The following KDM4C variants were observed in gnomAD, a reference collection of about 807,000 sequenced individuals.
KDM4C encodes lysine demethylase 4C, also known as lysine-specific demethylase 4C.
Under a neutral mutation model 129.3 loss-of-function variants are expected in KDM4C, and 81 were observed. The observed-to-expected ratio is 0.63, with a 90% CI of 0.52 to 0.75. The LOEUF is 0.75. Among genes scored for constraint, KDM4C ranks in the 30% least tolerant of loss-of-function variants. The pLI is 0.00. For missense variants in KDM4C, 1,457 were observed against 1,304.0 expected, an observed-to-expected ratio of 1.12 and a Z score of -1.81; for synonymous variants, 573 against 456.1, an observed-to-expected ratio of 1.26 and a Z score of -3.26.
At chr9:6,988,276 G>A (rs1473895290) in intron 11 of KDM4C, among the ~76,000 whole-genome samples, 1 of 151,812 alleles carries the variant, frequency 6.6e-6, no homozygotes. Context: ...TCAAATGCCT[G>A]CTTTAGTTAT....
At chr9:7,029,714 T>G (rs1826410341) in intron 15 of KDM4C, among the ~76,000 whole-genome samples, 1 of 152,208 alleles carries the variant, frequency 6.6e-6, no homozygotes, top group Non-Finnish European at 1.5e-5. Context: ...CCAGGACCTT[T>G]CGGGGACTGA....
intron 5 of KDM4C, among the ~76,000 whole-genome samples, chr9:6,862,834 AC>A (rs1328814885): frequency 6.6e-6 from 1 of 151,370 alleles, no homozygotes; most frequent in African/African-American, 2.4e-5. Flanking sequence ...AAACAAACAA[AC>A]AAACAAAAAA....
At chr9:7,143,693 C>A (rs963277491) in intron 19 of KDM4C, among the ~76,000 whole-genome samples, 1 of 152,188 alleles carries the variant, frequency 6.6e-6, no homozygotes, top group African/African-American at 2.4e-5. Context: ...TTTGATTTGA[C>A]AGGTTTTCAA....
chr9:7,125,222 T>A (rs904296028), intron 18 of KDM4C, among the ~76,000 whole-genome samples: 3 of 152,188 alleles, frequency 2.0e-5, no homozygotes, highest in African/African-American at 7.2e-5. Context: ...AATGGCTGTT[T>A]CCTGCTTCTG....
chr9:7,051,437 T>C (rs1009670042), intron 17 of KDM4C, among the ~76,000 whole-genome samples: 1 of 152,176 alleles, frequency 6.6e-6, no homozygotes, highest in African/African-American at 2.4e-5. Flanking sequence ...AATTTACTTA[T>C]GTGGGGAATG....
chr9:6,919,759 G>C (rs1339506800), intron 8 of KDM4C, among the ~76,000 whole-genome samples: 1 of 151,914 alleles, frequency 6.6e-6, no homozygotes, highest in Non-Finnish European at 1.5e-5. Flanking sequence ...ATTTTTAGTA[G>C]AGATGGGGTT....
intron 1 of KDM4C, among the ~76,000 whole-genome samples, chr9:6,731,439 G>T (rs1472911642): frequency 6.8e-6 from 1 of 147,204 alleles, no homozygotes; most frequent in African/African-American, 2.5e-5. Flanking sequence ...CAATTCTCCT[G>T]CCTCAGCCTC....
At chr9:6,799,382 G>C (rs530388874) in intron 2 of KDM4C, among the ~76,000 whole-genome samples, 136 of 152,340 alleles carry the variant, frequency 8.9e-4, no homozygotes, top group African/African-American at 3.2e-3. Flanking sequence ...GGCCAACACA[G>C]CGAAACCCCG....
chr9:6,757,723 C>G (rs1463893404), upstream of KDM4C: 2 of 985,506 alleles, frequency 2.0e-6, no homozygotes, highest in Non-Finnish European at 2.4e-6. Context: ...CCAGCCAGCG[C>G]TTCCGGGCAA....
chr9:6,751,196 AG>A (rs1209333954), intron 1 of KDM4C, among the ~76,000 whole-genome samples: 1 of 152,216 alleles, frequency 6.6e-6, no homozygotes, highest in African/African-American at 2.4e-5. Flanking sequence ...CTGTAATCCC[AG>A]CACTTTGGGA....
At chr9:7,011,969 C>A in intron 13 of KDM4C, 90 bp downstream of exon 13, 1 of 1,074,628 alleles carries the variant, frequency 9.3e-7, no homozygotes, top group South Asian at 1.5e-5. Flanking sequence ...TTGTGGGCTT[C>A]CTTTGCACAT....
At chr9:7,074,273 C>T (rs1833608098) in intron 17 of KDM4C, among the ~76,000 whole-genome samples, 1 of 152,106 alleles carries the variant, frequency 6.6e-6, no homozygotes, top group Non-Finnish European at 1.5e-5. Flanking sequence ...AAACAATTCT[C>T]CTGCCTCAGC....
intron 17 of KDM4C, among the ~76,000 whole-genome samples, chr9:7,069,538 A>T (rs1832913977): frequency 6.6e-6 from 1 of 152,252 alleles, no homozygotes; most frequent in Admixed American, 6.5e-5. Flanking sequence ...CAAAACAAAA[A>T]ACTTTAAATT....
intron 8 of KDM4C, among the ~76,000 whole-genome samples, chr9:6,968,694 C>G (rs959810245): frequency 2.0e-5 from 3 of 152,032 alleles, no homozygotes; most frequent in East Asian, 3.9e-4. Flanking sequence ...TAGTTCAATG[C>G]CAGTTACTTA....
At chr9:7,146,202 G>T (rs2129998517) in intron 19 of KDM4C, among the ~76,000 whole-genome samples, 1 of 152,250 alleles carries the variant, frequency 6.6e-6, no homozygotes, top group East Asian at 1.9e-4. Flanking sequence ...ATATGCAAGG[G>T]AAAAATCCTC....
intron 8 of KDM4C, among the ~76,000 whole-genome samples, chr9:6,900,058 G>A (rs1385228171): frequency 6.6e-6 from 1 of 152,166 alleles, no homozygotes; most frequent in African/African-American, 2.4e-5. Context: ...ATTTGACATT[G>A]TCTCCAATAT....
intron 5 of KDM4C, 74 bp downstream of exon 5, chr9:6,849,774 T>A: frequency 8.2e-7 from 1 of 1,225,744 alleles, no homozygotes; most frequent in Non-Finnish European, 1.1e-6. Flanking sequence ...TGAAGAGGAT[T>A]TTGTTCTTTG....
intron 8 of KDM4C, among the ~76,000 whole-genome samples, chr9:6,950,418 C>G (rs1827923179): frequency 6.6e-6 from 1 of 152,038 alleles, no homozygotes; most frequent in African/African-American, 2.4e-5. Context: ...GAGAGTGCAG[C>G]CTCTAGGTAT....
At chr9:6,778,246 C>T (rs1181999767) in intron 1 of KDM4C, among the ~76,000 whole-genome samples, 1 of 151,670 alleles carries the variant, frequency 6.6e-6, no homozygotes, top group Admixed American at 6.6e-5. Context: ...CCTGCCACCA[C>T]CCCTGGCTAA....
Sources: allele counts gnomAD v4.1 joint callset (sites outside exome capture counted in the v4.1 genomes callset), GRCh38; gene constraint gnomAD v4.1.1; transcripts MANE v1.5; gene names NCBI Gene and HGNC (gene_info 2026-07-23, HGNC 2026-07-21).